Variants in KCNG3 observed in about 807,000 individuals in gnomAD.
KCNG3 encodes the protein voltage-gated potassium channel regulatory subunit KCNG3.
A neutral mutation model predicts 29.0 loss-of-function variants in KCNG3; 15 were observed. The observed-to-expected ratio is 0.52, with a 90% CI of 0.35 to 0.80. The LOEUF (loss-of-function observed/expected upper bound fraction) is 0.80, where lower values mean the gene tolerates loss of function less well. Ranked by LOEUF, KCNG3 falls within the 30% of genes least tolerant of loss-of-function variation. The pLI is 0.01. For missense variants in KCNG3, 512 were observed against 605.7 expected (o/e 0.85, Z 1.62); for synonymous variants, 322 against 248.9 (o/e 1.29, Z -2.76).
At chr2:42,411,588 T>C in the KCNG3 span, among the ~76,000 whole-genome samples, 1 of 152,144 alleles carries the variant, frequency 6.6e-6, no homozygotes, top group Non-Finnish European at 1.5e-5. Flanking sequence ...GTTCAGGCAA[T>C]TCTCATGCCT....
chr2:42,417,142 C>T, the KCNG3 span, among the ~76,000 whole-genome samples: 1 of 152,004 alleles, frequency 6.6e-6, no homozygotes, highest in African/African-American at 2.4e-5. Context: ...GCCTGGGAGG[C>T]TGAGGCAAGA....
chr2:42,403,008 T>C, the KCNG3 span, among the ~76,000 whole-genome samples: 1 of 152,266 alleles, frequency 6.6e-6, no homozygotes, highest in Non-Finnish European at 1.5e-5. Context: ...GAATCTTCCC[T>C]TTCATAAACA....
chr2:42,452,798 T>TC lies in KCNG3; in HGVS notation c.666-8220_666-8219insG, dbSNP rs1490885277. Among the ~76,000 whole-genome samples the TC allele has an allele frequency of 2.0e-5, 3 of 151,676 alleles. No homozygotes were observed. The East Asian group carries it at 5.8e-4, about 29-fold the overall frequency. ...GTGTGTGTGTGTGTGTGTGTGTGTT[T>TC]TGAGATGAAGTCTCACTCTGTCACC... On this transcript the variant is annotated intron_variant, in intron 1 of 1. Transcript: ENST00000306078.
At chr2:42,390,208 C>T in the KCNG3 span, among the ~76,000 whole-genome samples, 3 of 152,128 alleles carry the variant, frequency 2.0e-5, no homozygotes, top group African/African-American at 2.4e-5. Context: ...CAAGCTGATG[C>T]TATCTTATTT....
chr2:42,400,580 A>G, the KCNG3 span, among the ~76,000 whole-genome samples: 1 of 152,138 alleles, frequency 6.6e-6, no homozygotes, highest in Non-Finnish European at 1.5e-5. Flanking sequence ...AAGTTGGAGG[A>G]GGAAAGAAAT....
the KCNG3 span, among the ~76,000 whole-genome samples, chr2:42,434,783 G>C: frequency 1.3e-5 from 2 of 148,922 alleles, no homozygotes; most frequent in Middle Eastern, 3.5e-3. Flanking sequence ...TAGATCACTA[G>C]AATAGAATTG....
intron 1 of KCNG3, among the ~76,000 whole-genome samples, chr2:42,490,820 A>G (rs888938171): frequency 2.0e-5 from 3 of 152,234 alleles, no homozygotes; most frequent in Non-Finnish European, 4.4e-5. Context: ...TAGAAAGACT[A>G]ATTTCAGCAA....
At chr2:42,405,984 C>T in the KCNG3 span, among the ~76,000 whole-genome samples, 2,387 of 152,052 alleles carry the variant, frequency 0.016, 62 homozygotes, top group African/African-American at 0.054. Context: ...CTCAGGTGAT[C>T]CACCTGCCTC....
At chr2:42,463,871 T>C in intron 1 of KCNG3, 2 of 279,170 alleles carry the variant, frequency 7.2e-6, no homozygotes, top group South Asian at 6.7e-5. Context: ...TGAGCCTAGT[T>C]TGTAAATTCT....
At chr2:42,473,156 A>C in intron 1 of KCNG3, among the ~76,000 whole-genome samples, 1 of 152,012 alleles carries the variant, frequency 6.6e-6, no homozygotes, top group Admixed American at 6.6e-5. Context: ...TCGGCCTCCC[A>C]AAGTGCTGAG....
At chr2:42,470,955 C>G (rs1160775351) in intron 1 of KCNG3, among the ~76,000 whole-genome samples, 1 of 151,554 alleles carries the variant, frequency 6.6e-6, no homozygotes, top group Non-Finnish European at 1.5e-5. Context: ...GGATCGAGAC[C>G]AGCCTGGGCA....
At chr2:42,398,139 C>A in the KCNG3 span, among the ~76,000 whole-genome samples, 1 of 151,910 alleles carries the variant, frequency 6.6e-6, no homozygotes, top group Non-Finnish European at 1.5e-5. Context: ...GGAAGAATGG[C>A]GTGATCCCAG....
At position 42,444,996 on chromosome 2, in the gene KCNG3, G is replaced by A. The variant is rs1165918121; in HGVS notation, c.666-417C>T. On this transcript the variant is annotated intron_variant, in intron 1 of 1. Transcript: ENST00000306078. The surrounding 1 kb of genome is among the most constrained non-coding windows in gnomAD (Gnocchi z 5.8). ...TGGGAGGATCACCTGAGCCTGGGAA[G>A]GTCAAGGCCAGAGTGAGCCATGACT... Among the ~76,000 whole-genome samples, 1 of 150,708 alleles carries A rather than the reference G, an allele frequency of 6.6e-6. No individual in the cohort carries two copies. Among genetic ancestry groups the A allele is most frequent in the African/African-American group, 2.4e-5 (1 of 40,838 alleles).
intron 1 of KCNG3, among the ~76,000 whole-genome samples, chr2:42,487,685 T>C (rs533242034): frequency 2.6e-5 from 4 of 152,324 alleles, no homozygotes; most frequent in African/African-American, 9.6e-5. Flanking sequence ...CAGTACAATC[T>C]TTTTGGAGAG....
chr2:42,405,043 A>T, the KCNG3 span, among the ~76,000 whole-genome samples: 1 of 152,240 alleles, frequency 6.6e-6, no homozygotes, highest in Non-Finnish European at 1.5e-5. Context: ...AATCTCACAC[A>T]ACTGCAGCTA....
intron 1 of KCNG3, among the ~76,000 whole-genome samples, chr2:42,472,724 T>C (rs1207612370): frequency 1.3e-5 from 2 of 151,706 alleles, no homozygotes; most frequent in East Asian, 3.9e-4. Flanking sequence ...GGTCTCAAAC[T>C]ATTGGCCTCA....
chr2:42,423,539 A>T, the KCNG3 span, among the ~76,000 whole-genome samples: 1 of 152,228 alleles, frequency 6.6e-6, no homozygotes, highest in Admixed American at 6.5e-5. Flanking sequence ...TTGCTTTGGT[A>T]CATGCTGAAC....
intron 1 of KCNG3, among the ~76,000 whole-genome samples, chr2:42,490,258 T>G (rs1221346311): frequency 6.6e-6 from 1 of 152,048 alleles, no homozygotes; most frequent in Non-Finnish European, 1.5e-5. Flanking sequence ...GTTGTACAGG[T>G]TGCATTAACT....
In KCNG3 at chr2:42,444,524, T is replaced by C. The variant is rs767757123; in HGVS notation, c.721A>G (p.Ile241Val). ...WFTAECIVRFIVSKNKCEFVK... is the reference protein window; with the variant it reads ...WFTAECIVRFVVSKNKCEFVK... ...AACTCACACTTGTTTTTGGAGACAA[T>C]GAACCTCACGATGCACTCGGCAGTG... The change falls in exon 2 of 2, where the codon ATT becomes GTT. Residue 241 changes from isoleucine (I) to valine (V), a missense_variant. Ile to Val is a conservative substitution (Grantham distance 29). Around this residue, in one of 5 missense-constraint regions of KCNG3, gnomAD observed 173 missense variants for 262.4 expected, o/e 0.66. Transcript: ENST00000306078. The surrounding 1 kb of genome is among the most constrained non-coding windows in gnomAD (Gnocchi z 5.8). 3 of 1,614,160 alleles carry C rather than the reference T, an allele frequency of 1.9e-6. 1 individual carries two copies. The South Asian group carries it at 3.3e-5, about 18-fold the overall frequency.
Sources: gnomAD v4.1 joint callset for allele counts (sites outside exome capture counted in the v4.1 genomes callset) on GRCh38, gnomAD v4.1.1 for gene constraint, gnomAD v4.1.1 regional missense constraint, Gnocchi (gnomAD v3.1) non-coding constraint, MANE v1.5 for transcripts, NCBI Gene and HGNC (gene_info 2026-07-23, HGNC 2026-07-21) for gene names.